Variants in OTOA observed in about 807,000 individuals in gnomAD.
The protein encoded by OTOA is otoancorin, also known as cancer/testis antigen 108.
In OTOA, 70 loss-of-function variants were observed where a neutral mutation model predicts 110.8. The ratio of observed to expected loss-of-function variants is 0.63; its 90% CI spans 0.52 to 0.77. The LOEUF is 0.77. OTOA is among the 30% of genes least tolerant of loss of function. The pLI, the probability that OTOA is intolerant of heterozygous loss-of-function variation, is 0.00. For synonymous variants in OTOA, 373 were observed against 431.5 expected (o/e 0.86, Z 1.68); for missense variants, 917 against 1,075.8 (o/e 0.85, Z 2.06).
In OTOA at chr16:21,727,079, C is replaced by T. The variant is rs149540414; in HGVS notation, c.2016+421C>T. ...TCACCCAGGCTGGAGTGCAGTAGCA[C>T]GATCTCAGCTCACTGCAACCTCTGC... On this transcript the variant is annotated intron_variant, in intron 19 of 28. Coordinates refer to ENST00000646100, the MANE Select transcript of OTOA (RefSeq NM_144672.4). The T allele has an allele frequency of 1.3e-3, 285 of 219,712 alleles. 1 individual carries two copies. Among genetic ancestry groups the T allele is most frequent in the African/African-American group, 6.4e-3 (266 of 41,546 alleles). 13.6% of individuals were successfully genotyped at this position (219,712 alleles called of 1,614,324 possible).
Position 21,717,017 on chromosome 16 carries a change from C to A in OTOA, c.1599C>A (p.Val533=), listed in dbSNP as rs1397250518. 1 of 1,614,062 alleles carries A rather than the reference C, an allele frequency of 6.2e-7. No homozygotes were observed. Among genetic ancestry groups the A allele is most frequent in the Non-Finnish European group, 8.5e-7 (1 of 1,180,020 alleles). The change falls in exon 15 of 29, where the codon GTC becomes GTA. Residue 533 remains valine (V), a synonymous_variant. Transcript: ENST00000646100. The part of the protein sequence containing the change: ...LRRQPGFNST[V]LKDKELGRSQ... ...GGCAACCTGGATTCAACTCTACAGT[C>A]CTGAAGGATAAGGAACTTGGAAGGA...
intron 12 of OTOA, among the ~76,000 whole-genome samples, chr16:21,708,519 T>A (rs12599397): frequency 0.049 from 7,407 of 152,220 alleles, 214 homozygotes; most frequent in Middle Eastern, 0.14. Flanking sequence ...AGCCTGGCAA[T>A]CTGCGTTTCT....
At chr16:21,677,846 T>TA (rs1376567385) in intron 1 of OTOA, among the ~76,000 whole-genome samples, 1 of 151,588 alleles carries the variant, frequency 6.6e-6, no homozygotes, top group Non-Finnish European at 1.5e-5. Flanking sequence ...ATTATAAGAG[T>TA]AGTTTTTGTA....
intron 11 of OTOA, among the ~76,000 whole-genome samples, chr16:21,704,235 T>C (rs1898108765): frequency 6.6e-6 from 1 of 152,164 alleles, no homozygotes; most frequent in South Asian, 2.1e-4. Context: ...TCTGGGTGGG[T>C]ACCAGAAGGC....
At chr16:21,735,584 A>G (rs1244443442) in intron 21 of OTOA, among the ~76,000 whole-genome samples, 1 of 152,084 alleles carries the variant, frequency 6.6e-6, no homozygotes, top group Non-Finnish European at 1.5e-5. Context: ...AGGGGTAGGT[A>G]CACATACATT....
At position 21,687,497 on chromosome 16, in the gene OTOA, A is replaced by G; in HGVS notation, c.484A>G (p.Ile162Val). 3.7e-6 allele frequency: 6 copies of G among 1,613,708 alleles called. No individual in the cohort carries two copies. Among genetic ancestry groups the G allele is most frequent in the Non-Finnish European group, 5.1e-6 (6 of 1,179,698 alleles). ...TGGCGTGAACCGCAGCCTGTTTCTCATCACACTGGAGAGGTGTTTCCAGAT... is the reference window on the plus strand; with the variant it reads ...TGGCGTGAACCGCAGCCTGTTTCTCGTCACACTGGAGAGGTGTTTCCAGAT... ...SPGVNRSLFL[I>V]TLERCFQMLN... is the part of the protein sequence containing the mutation. Residue 162 changes from isoleucine (I) to valine (V), a missense_variant, in exon 8 of 29, where the codon ATC (isoleucine) becomes GTC (valine). Around this residue, in one of 6 missense-constraint regions of OTOA, gnomAD observed 840 missense variants for 910.2 expected, o/e 0.92. Coordinates refer to ENST00000646100, the MANE Select transcript of OTOA (RefSeq NM_144672.4).
At chr16:21,750,076 A>T (rs1899781506) in intron 24 of OTOA, among the ~76,000 whole-genome samples, 1 of 152,420 alleles carries the variant, frequency 6.6e-6, no homozygotes, top group Admixed American at 6.5e-5. Context: ...GCACATGTTT[A>T]GTTACAAGTG....
intron 8 of OTOA, among the ~76,000 whole-genome samples, chr16:21,690,271 T>C (rs757149180): frequency 2.0e-4 from 31 of 152,068 alleles, no homozygotes; most frequent in Non-Finnish European, 3.8e-4. Flanking sequence ...GGTGGTTTGC[T>C]GTACCTATCA....
At chr16:21,749,779 G>T (rs1899767092) in intron 24 of OTOA, among the ~76,000 whole-genome samples, 1 of 129,670 alleles carries the variant, frequency 7.7e-6, no homozygotes, top group Non-Finnish European at 1.6e-5. Flanking sequence ...CACCTCCCAG[G>T]CTCAAGCAAT....
intron 9 of OTOA, among the ~76,000 whole-genome samples, chr16:21,694,733 G>A (rs1897897687): frequency 6.6e-6 from 1 of 152,182 alleles, no homozygotes; most frequent in Non-Finnish European, 1.5e-5. Flanking sequence ...GAAAGCAGAT[G>A]GGGCTGGAGG....
At chr16:21,710,170 C>A in intron 13 of OTOA, 67 bp downstream of exon 13, 1 of 1,425,580 alleles carries the variant, frequency 7.0e-7, no homozygotes, top group Non-Finnish European at 9.7e-7. Context: ...ACCTGCCAGG[C>A]TGCCATAAAA....
At chr16:21,748,043 C>CTT (rs1164631525) in intron 24 of OTOA, 1 of 84,066 alleles carries the variant, frequency 1.2e-5, no homozygotes, top group African/African-American at 4.0e-5. Flanking sequence ...TCTTCTTCTT[C>CTT]TTTTTTTTTT....
chr16:21,672,601 T>TG (rs1048979993), intron 1 of OTOA, among the ~76,000 whole-genome samples: 1 of 142,826 alleles, frequency 7.0e-6, no homozygotes, highest in Non-Finnish European at 1.5e-5. Context: ...CCAGCCTGGG[T>TG]GACAGAGTGA....
intron 1 of OTOA, among the ~76,000 whole-genome samples, chr16:21,668,757 C>T (rs550339048): frequency 1.3e-5 from 2 of 152,166 alleles, no homozygotes; most frequent in Admixed American, 1.3e-4. Context: ...CCACCGTGCC[C>T]AGACATGACG....
intron 17 of OTOA, among the ~76,000 whole-genome samples, chr16:21,722,375 A>C (rs1898782026): frequency 1.4e-5 from 1 of 69,302 alleles, no homozygotes. Flanking sequence ...TAAGCTATAT[A>C]TAACTATATG....
At chr16:21,696,615 G>T (rs1180671110) in intron 9 of OTOA, among the ~76,000 whole-genome samples, 2 of 151,902 alleles carry the variant, frequency 1.3e-5, no homozygotes, top group Admixed American at 6.6e-5. Flanking sequence ...TGTCACCTAG[G>T]CTGGAATGCA....
At chr16:21,728,202 C>T (rs1651974871) in intron 19 of OTOA, 39 bp from the exon 20 acceptor site, 1 of 1,612,272 alleles carries the variant, frequency 6.2e-7, no homozygotes, top group Non-Finnish European at 8.5e-7. Flanking sequence ...ATCTTATGCT[C>T]TGTTGGAACT....
chr16:21,692,750 A>G (rs902431915), intron 9 of OTOA, among the ~76,000 whole-genome samples: 1 of 151,062 alleles, frequency 6.6e-6, no homozygotes, highest in African/African-American at 2.4e-5. Context: ...AACATGGTGA[A>G]CCCCCTTCTC....
intron 28 of OTOA, among the ~76,000 whole-genome samples, chr16:21,757,899 C>T (rs1163527811): frequency 6.6e-6 from 1 of 152,092 alleles, no homozygotes; most frequent in Non-Finnish European, 1.5e-5. Context: ...ATTACAGGCG[C>T]GAGCCACCAA....
Sources: gnomAD v4.1 joint callset for allele counts (sites outside exome capture counted in the v4.1 genomes callset) on GRCh38, gnomAD v4.1.1 for gene constraint, gnomAD v4.1.1 regional missense constraint, MANE v1.5 for transcripts, NCBI Gene and HGNC (gene_info 2026-07-23, HGNC 2026-07-21) for gene names.